The following SLC48A1 variants were observed in gnomAD, a reference collection of about 807,000 sequenced individuals.
SLC48A1 encodes the protein heme transporter HRG1.
A neutral mutation model predicts 14.8 loss-of-function variants in SLC48A1; 6 were observed. The observed-to-expected ratio is 0.41, with a 90% confidence interval of 0.22 to 0.80. The LOEUF is 0.80. SLC48A1 is among the 30% of genes least tolerant of loss of function. The pLI is 0.34. For synonymous variants in SLC48A1, 89 were observed against 90.0 expected (o/e 0.99, Z 0.06); for missense variants, 165 against 204.8 (o/e 0.81, Z 1.19).
upstream of SLC48A1, chr12:47,758,511 C>T (rs776234792): frequency 2.0e-5 from 32 of 1,609,290 alleles, no homozygotes; most frequent in Non-Finnish European, 6.8e-6. Flanking sequence ...CTCTCCCGCC[C>T]TCTCCTGCTC....
At chr12:47,771,174 G>C, upstream of SLC48A1, 1 of 282,376 alleles carries the variant, frequency 3.5e-6, no homozygotes. Flanking sequence ...TTATTCTAGA[G>C]TGAGGCAAAT....
In SLC48A1 at chr12:47,779,010, G is replaced by T; in HGVS notation, c.137-18G>T. On this transcript the variant is annotated intron_variant, in intron 1 of 2. Coordinates refer to ENST00000442218, the MANE Select transcript of SLC48A1 (RefSeq NM_017842.3). ...CTGGAGCACCCTGGGGATGGGCCCT[G>T]ATGTGTCTCTCCTGCAGGGGTGCTG... 1 of 1,550,628 alleles carries T rather than the reference G, an allele frequency of 6.4e-7. No individual in the cohort carries two copies.
At chr12:47,774,031 A>G (rs1942688128) in intron 1 of SLC48A1, among the ~76,000 whole-genome samples, 1 of 152,212 alleles carries the variant, frequency 6.6e-6, no homozygotes, top group Non-Finnish European at 1.5e-5. Context: ...GGGATCTCAT[A>G]GAAACTGGAC....
chr12:47,773,100 A>G, upstream of SLC48A1: 2 of 729,810 alleles, frequency 2.7e-6, no homozygotes, highest in South Asian at 1.2e-4. Context: ...CAGCTTCGCA[A>G]AGCGGCGGTG....
intron 2 of SLC48A1, among the ~76,000 whole-genome samples, chr12:47,763,710 G>A (rs1942444029): frequency 6.6e-6 from 1 of 152,162 alleles, no homozygotes; most frequent in Non-Finnish European, 1.5e-5. Context: ...AGGACTAACA[G>A]GTCACAACCA....
At chr12:47,754,920 C>T (rs1287956851), upstream of SLC48A1, among the ~76,000 whole-genome samples, 4 of 152,332 alleles carry the variant, frequency 2.6e-5, no homozygotes, top group East Asian at 7.7e-4. Context: ...GCCTGCCCCA[C>T]CCTCACTCCC....
upstream of SLC48A1, chr12:47,770,742 G>A (rs1942611849): frequency 8.9e-6 from 4 of 447,678 alleles, no homozygotes; most frequent in South Asian, 6.2e-5. Context: ...GCCCCAAGGG[G>A]AGGGGGACAG....
intron 1 of SLC48A1, among the ~76,000 whole-genome samples, chr12:47,759,713 A>G (rs1942313220): frequency 6.6e-6 from 1 of 151,790 alleles, no homozygotes; most frequent in African/African-American, 2.4e-5. Flanking sequence ...TCTTCGCCCC[A>G]CTCCTGAGAG....
intron 2 of SLC48A1, chr12:47,760,517 A>G (rs1273042005): frequency 2.0e-6 from 1 of 505,978 alleles, no homozygotes; most frequent in Non-Finnish European, 2.5e-6. Flanking sequence ...TTGGGTCACA[A>G]AGGGGTCCCC....
chr12:47,773,935 G>A (rs2136863306), intron 1 of SLC48A1, among the ~76,000 whole-genome samples: 1 of 152,394 alleles, frequency 6.6e-6, no homozygotes, highest in South Asian at 2.1e-4. Context: ...AAGAGGGCTA[G>A]GGGTGGCTGG....
chr12:47,775,046 G>A (rs539704264), intron 1 of SLC48A1, among the ~76,000 whole-genome samples: 2 of 152,156 alleles, frequency 1.3e-5, no homozygotes, highest in Non-Finnish European at 2.9e-5. Flanking sequence ...GTTGAGTCTG[G>A]CCTGGTACAA....
At chr12:47,771,968 C>T (rs929395924), upstream of SLC48A1, among the ~76,000 whole-genome samples, 27 of 151,996 alleles carry the variant, frequency 1.8e-4, no homozygotes, top group African/African-American at 6.3e-4. Flanking sequence ...CTGATTTTCC[C>T]CTAGAGCCTC....
chr12:47,778,648 G>A (rs1184417578), intron 1 of SLC48A1: 4 of 170,626 alleles, frequency 2.3e-5, no homozygotes, highest in African/African-American at 4.8e-5. Context: ...CAAATTTTAT[G>A]TATGTGAGTT....
upstream of SLC48A1, among the ~76,000 whole-genome samples, chr12:47,767,483 G>A (rs1267026774): frequency 6.6e-6 from 1 of 152,210 alleles, no homozygotes; most frequent in East Asian, 1.9e-4. Context: ...AACTATCATA[G>A]TTTGCCCTAT....
At position 47,758,624 on chromosome 12, in the gene SLC48A1, A is replaced by G. The variant is rs1344605086; in HGVS notation, c.-409A>G. 2.5e-6 allele frequency: 4 copies of G among 1,607,482 alleles called. No individual in the cohort carries two copies. The Admixed American group carries it at 5.1e-5, about 20-fold the overall frequency. On this transcript the variant is annotated 5_prime_UTR_variant, in exon 1 of 5. Coordinates refer to the SLC48A1 transcript ENST00000547002. The stretch of plus-strand genomic sequence containing the variant: ...GGCTGGGGGGTCCCCAGCGACCCCC[A>G]TCAGCTTTGATAAGGGGATCCGGAG...
intron 2 of SLC48A1, 92 bp from the exon 3 acceptor site, chr12:47,780,053 T>C: frequency 7.0e-7 from 1 of 1,419,598 alleles, no homozygotes; most frequent in Non-Finnish European, 9.3e-7. Context: ...TGCAGGGATG[T>C]TGAGTGGGGA....
At chr12:47,766,857 G>A (rs58227785), upstream of SLC48A1, among the ~76,000 whole-genome samples, 1 of 152,200 alleles carries the variant, frequency 6.6e-6, no homozygotes, top group Non-Finnish European at 1.5e-5. Context: ...GAGAATTGAG[G>A]TGAACCCCTT....
At chr12:47,771,163 A>T (rs1378860155), upstream of SLC48A1, 2 of 302,116 alleles carry the variant, frequency 6.6e-6, no homozygotes, top group Non-Finnish European at 1.3e-5. Flanking sequence ...AAGCTCCCAG[A>T]TTATTCTAGA....
At chr12:47,757,721 G>A, upstream of SLC48A1, 1 of 756,796 alleles carries the variant, frequency 1.3e-6, no homozygotes, top group Non-Finnish European at 2.1e-6. Context: ...CTGCAGACAA[G>A]CTTCCTGACC....
Sources: gnomAD v4.1 joint callset for allele counts (sites outside exome capture counted in the v4.1 genomes callset) on GRCh38, gnomAD v4.1.1 for gene constraint, MANE v1.5 for transcripts, NCBI Gene and HGNC (gene_info 2026-07-23, HGNC 2026-07-21) for gene names.